Variants in SCML2 observed in about 807,000 individuals in gnomAD.
SCML2 encodes the protein sex comb on midleg-like protein 2.
SCML2 carries 6 observed loss-of-function variants against 48.4 expected under a neutral mutation model. The observed-to-expected ratio is 0.12, with a 90% CI of 0.07 to 0.24. The LOEUF (loss-of-function observed/expected upper bound fraction) is 0.24. Among genes scored for constraint, SCML2 ranks in the 10% least tolerant of loss-of-function variants. The pLI is 1.00. For missense variants in SCML2, 377 were observed against 528.2 expected (o/e 0.71, Z 2.81); for synonymous variants, 181 against 189.5 (o/e 0.95, Z 0.37).
chrX:18,262,289 T>C (rs1395783905), intron 8 of SCML2, among the ~76,000 whole-genome samples: 1 of 106,792 alleles, frequency 9.4e-6, no homozygotes, highest in Non-Finnish European at 1.9e-5. Context: ...GAAAGGATAA[T>C]CCACTAACTT....
intron 3 of SCML2, among the ~76,000 whole-genome samples, chrX:18,327,228 G>A (rs985244046): frequency 5.4e-5 from 6 of 110,271 alleles, no homozygotes; most frequent in Admixed American, 4.9e-4. Context: ...AAATTGCTGG[G>A]CATCGTGGCG....
chrX:18,347,723 CAAAAAAA>C (rs749758995), intron 1 of SCML2, among the ~76,000 whole-genome samples: 1 of 21,918 alleles, frequency 4.6e-5, no homozygotes, highest in Non-Finnish European at 9.2e-5. Flanking sequence ...GACTCCGTCT[CAAAAAAA>C]AAAAAAAAAA....
chrX:18,296,115 C>A (rs1015535902), intron 7 of SCML2, among the ~76,000 whole-genome samples: 13 of 110,255 alleles, frequency 1.2e-4, no homozygotes, highest in Non-Finnish European at 1.5e-4. Context: ...GCAACAGATT[C>A]CAATGAAAAA....
In SCML2 at chrX:18,258,081, G is replaced by A. The variant is rs1421814878; in HGVS notation, c.1236C>T (p.Tyr412=). 3 of 1,208,200 alleles carry A rather than the reference G, an allele frequency of 2.5e-6. No individual in the cohort carries two copies. The highest frequency in any genetic ancestry group is 3.0e-5 in the East Asian group (1 of 33,687). ...CALETKTVFG[Y]LKPDNRGGEV... ...CTCCTCCACGATTATCTGGCTTCAG[G>A]TATCCAAAAACAGTTTTAGTTTCAA... Residue 412 remains tyrosine, a synonymous_variant, in exon 10 of 15, where the codon TAC becomes TAT. Coordinates refer to ENST00000251900, the MANE Select transcript of SCML2 (RefSeq NM_006089.3).
intron 11 of SCML2, among the ~76,000 whole-genome samples, chrX:18,252,694 T>C (rs1218128003): frequency 8.9e-6 from 1 of 112,756 alleles, no homozygotes; most frequent in Non-Finnish European, 1.9e-5. Context: ...ACTGAAGATT[T>C]CGTCATATTT....
intron 1 of SCML2, among the ~76,000 whole-genome samples, chrX:18,339,298 C>T (rs1489135652): frequency 1.8e-5 from 2 of 112,303 alleles, no homozygotes; most frequent in African/African-American, 6.5e-5. Context: ...TCAGCATTAT[C>T]AGAAAAGTTA....
At chrX:18,301,315 T>G (rs747617978) in intron 7 of SCML2, among the ~76,000 whole-genome samples, 50 of 110,906 alleles carry the variant, frequency 4.5e-4, no homozygotes, top group African/African-American at 1.6e-3. Flanking sequence ...GGAGAATGAC[T>G]TGAACCCAGG....
At chrX:18,283,265 C>A (rs966584754) in intron 7 of SCML2, among the ~76,000 whole-genome samples, 1 of 111,565 alleles carries the variant, frequency 9.0e-6, no homozygotes, top group Non-Finnish European at 1.9e-5. Flanking sequence ...ATAATAAAAA[C>A]CCTCAATAGA....
chrX:18,273,043 C>T (rs939084138), intron 7 of SCML2, among the ~76,000 whole-genome samples: 2 of 111,718 alleles, frequency 1.8e-5, no homozygotes, highest in Admixed American at 9.5e-5. Flanking sequence ...ACAATGGATG[C>T]CTCTTCCTGA....
At chrX:18,342,091 TG>T (rs1324921223) in intron 1 of SCML2, among the ~76,000 whole-genome samples, 1 of 112,236 alleles carries the variant, frequency 8.9e-6, no homozygotes, top group Non-Finnish European at 1.9e-5. Flanking sequence ...AGTGGTAGTC[TG>T]CAAGGAAAAC....
intron 3 of SCML2, among the ~76,000 whole-genome samples, chrX:18,328,279 G>T (rs185699770): frequency 4.5e-5 from 5 of 111,496 alleles, no homozygotes; most frequent in Admixed American, 3.8e-4. Context: ...CCTAGAGATA[G>T]AAGTTTCTCA....
intron 7 of SCML2, among the ~76,000 whole-genome samples, chrX:18,294,112 T>TA (rs1928314645): frequency 8.9e-6 from 1 of 111,984 alleles, no homozygotes; most frequent in African/African-American, 3.3e-5. Flanking sequence ...ATTGACTATG[T>TA]AAGTAATAAT....
At chrX:18,247,455 T>C (rs1445609248) in intron 12 of SCML2, among the ~76,000 whole-genome samples, 1 of 112,450 alleles carries the variant, frequency 8.9e-6, no homozygotes, top group South Asian at 3.7e-4. Context: ...CTAACATTTG[T>C]TTACTACTTG....
chrX:18,336,858 A>G (rs1929838020), intron 1 of SCML2, among the ~76,000 whole-genome samples: 1 of 112,444 alleles, frequency 8.9e-6, no homozygotes, highest in Non-Finnish European at 1.9e-5. Context: ...AAAGTGGGAA[A>G]AAAAAGAATA....
chrX:18,288,649 C>A (rs1468425927), intron 7 of SCML2, among the ~76,000 whole-genome samples: 1 of 111,731 alleles, frequency 9.0e-6, no homozygotes, highest in Non-Finnish European at 1.9e-5. Context: ...CAATGAATTT[C>A]TTTAACCACA....
intron 7 of SCML2, among the ~76,000 whole-genome samples, chrX:18,300,810 A>C (rs755860042): frequency 9.0e-6 from 1 of 110,937 alleles, no homozygotes; most frequent in African/African-American, 3.3e-5. Context: ...AAAAGAAAAA[A>C]AAAATCATTA....
At chrX:18,308,644 T>C (rs1399442408) in intron 6 of SCML2, among the ~76,000 whole-genome samples, 4 of 110,576 alleles carry the variant, frequency 3.6e-5, no homozygotes, top group Non-Finnish European at 5.7e-5. Context: ...ATAACAAATG[T>C]TGGTGAGAAA....
chrX:18,280,782 G>T (rs1176870061), intron 7 of SCML2, among the ~76,000 whole-genome samples: 1 of 111,577 alleles, frequency 9.0e-6, no homozygotes, highest in Non-Finnish European at 1.9e-5. Flanking sequence ...ATGATAAAGG[G>T]TATGATCCAA....
At chrX:18,243,511 A>G (rs1422743386) in intron 13 of SCML2, among the ~76,000 whole-genome samples, 1 of 111,682 alleles carries the variant, frequency 9.0e-6, no homozygotes, top group Non-Finnish European at 1.9e-5. Flanking sequence ...GCATCACTTT[A>G]CTCTTTAGAT....
Sources: allele counts gnomAD v4.1 joint callset (sites outside exome capture counted in the v4.1 genomes callset), GRCh38; gene constraint gnomAD v4.1.1; transcripts MANE v1.5; gene names NCBI Gene and HGNC (gene_info 2026-07-23, HGNC 2026-07-21).